PCBP3: variants seen among roughly 807,000 people sequenced by gnomAD.
PCBP3 encodes poly(rC) binding protein 3.
A neutral mutation model predicts 52.7 loss-of-function variants in PCBP3; 25 were observed. The ratio of observed to expected loss-of-function variants is 0.47; its 90% CI spans 0.35 to 0.66. PCBP3 has a LOEUF of 0.66. Among genes scored for constraint, PCBP3 ranks in the 30% least tolerant of loss-of-function variants. The pLI is 0.01. For missense variants in PCBP3, 391 were observed against 490.3 expected, an observed-to-expected ratio of 0.80 and a Z score of 1.91; for synonymous variants, 162 against 183.0, an observed-to-expected ratio of 0.89 and a Z score of 0.93.
intron 5 of PCBP3, among the ~76,000 whole-genome samples, chr21:45,863,778 T>C (rs1416439317): frequency 6.6e-6 from 1 of 152,168 alleles, no homozygotes; most frequent in Non-Finnish European, 1.5e-5. Flanking sequence ...TTGAGGGCCC[T>C]GGGTGAGCGG....
At chr21:45,814,992 AGTGGTGAG>A (rs2092838281) in intron 4 of PCBP3, among the ~76,000 whole-genome samples, 1 of 93,556 alleles carries the variant, frequency 1.1e-5, no homozygotes, top group African/African-American at 4.4e-5. Context: ...GTGGTGAGTG[AGTGGTGAG>A]TGAGTGGTGA....
intron 4 of PCBP3, among the ~76,000 whole-genome samples, chr21:45,775,123 G>T (rs143680039): frequency 6.6e-6 from 1 of 152,138 alleles, no homozygotes; most frequent in Non-Finnish European, 1.5e-5. Context: ...GAATTCTGCT[G>T]TGAATTCACC....
At position 45,781,665 on chromosome 21, in the gene PCBP3, C is replaced by T. The variant is rs143667047; in HGVS notation, c.-126+26213C>T. On this transcript the variant is annotated intron_variant, in intron 4 of 17. Coordinates refer to ENST00000681687, the MANE Select transcript of PCBP3 (RefSeq NM_001384156.1). ...AGTAGTGAAAGCATATTTCCATACACCTTTGAACAGGAACATCTGTAGCAA... is the reference window on the plus strand; with the variant it reads ...AGTAGTGAAAGCATATTTCCATACATCTTTGAACAGGAACATCTGTAGCAA... Among the ~76,000 whole-genome samples the T allele has an allele frequency of 9.2e-5, 14 of 152,242 alleles. No individual in the cohort carries two copies. In the East Asian group the frequency reaches 2.5e-3, roughly 27 times the overall value.
At chr21:45,697,945 A>G (rs2838978) in intron 2 of PCBP3, among the ~76,000 whole-genome samples, 27,309 of 151,822 alleles carry the variant, frequency 0.18, 2,591 homozygotes, top group Middle Eastern at 0.33. Context: ...ACAGGCTGAA[A>G]CATCTCAGTC....
intron 4 of PCBP3, among the ~76,000 whole-genome samples, chr21:45,803,599 C>A (rs1214282363): frequency 6.6e-6 from 1 of 152,196 alleles, no homozygotes; most frequent in African/African-American, 2.4e-5. Flanking sequence ...AGTTTAAATG[C>A]AAACAGGACA....
At chr21:45,687,137 T>C (rs932958836) in intron 2 of PCBP3, among the ~76,000 whole-genome samples, 3 of 152,088 alleles carry the variant, frequency 2.0e-5, no homozygotes, top group African/African-American at 7.2e-5. Flanking sequence ...TGAATAGGCA[T>C]GGATTTCTCA....
intron 6 of PCBP3, among the ~76,000 whole-genome samples, chr21:45,897,707 C>T (rs2095867560): frequency 6.6e-6 from 1 of 152,212 alleles, no homozygotes; most frequent in Admixed American, 6.5e-5. Context: ...GCCCCAGCAG[C>T]TCCTGTGTGT....
chr21:45,922,504 G>C (rs1400717654), intron 13 of PCBP3, among the ~76,000 whole-genome samples: 1 of 152,056 alleles, frequency 6.6e-6, no homozygotes, highest in Non-Finnish European at 1.5e-5. Flanking sequence ...GTAGTGAGCA[G>C]AGATTGCACC....
At chr21:45,760,975 T>TA (rs1055115371) in intron 4 of PCBP3, 27 of 152,064 alleles carry the variant, frequency 1.8e-4, no homozygotes, top group African/African-American at 6.5e-4. Flanking sequence ...TAATCCCAGT[T>TA]ACTCGGGACG....
intron 5 of PCBP3, among the ~76,000 whole-genome samples, chr21:45,879,409 G>A (rs970100659): frequency 1.3e-5 from 2 of 152,130 alleles, no homozygotes; most frequent in African/African-American, 2.4e-5. Flanking sequence ...CAGCAAACAC[G>A]AGGACAGCTC....
chr21:45,905,310 C>T (rs1000746289), intron 9 of PCBP3, among the ~76,000 whole-genome samples: 2 of 152,168 alleles, frequency 1.3e-5, no homozygotes, highest in African/African-American at 2.4e-5. Flanking sequence ...AGAAGTGTGC[C>T]CAAGAACTCA....
At chr21:45,870,425 C>T (rs1389358775) in intron 5 of PCBP3, among the ~76,000 whole-genome samples, 4 of 152,230 alleles carry the variant, frequency 2.6e-5, no homozygotes, top group Non-Finnish European at 4.4e-5. Flanking sequence ...TTAATTCATG[C>T]ATCCACGGGA....
At chr21:45,693,952 CTCTG>C (rs1158559085) in intron 2 of PCBP3, among the ~76,000 whole-genome samples, 6 of 152,088 alleles carry the variant, frequency 3.9e-5, no homozygotes, top group Admixed American at 3.9e-4. Context: ...AAATATATGA[CTCTG>C]TCAGTGCAGG....
chr21:45,902,490 C>T (rs1304785954), intron 9 of PCBP3, among the ~76,000 whole-genome samples: 1 of 152,240 alleles, frequency 6.6e-6, no homozygotes, highest in African/African-American at 2.4e-5. Flanking sequence ...TTTTGGTCAG[C>T]TGTGCTGCAG....
rs140801212 is a variant in PCBP3 at position 45,646,437 on chromosome 21, T to G, written c.-279+2569T>G. 2.0e-5 allele frequency among the ~76,000 whole-genome samples: 3 copies of G among 151,888 alleles called. No homozygotes were observed. The East Asian group carries it at 5.8e-4, about 29-fold the overall frequency. ...CCTGTTTTCTTAACAACCATTCCTT[T>G]AAGAAAGTACCAGTTTGTTTTAGTT... On this transcript the variant is annotated intron_variant, in intron 1 of 17. Coordinates refer to ENST00000681687, the MANE Select transcript of PCBP3 (RefSeq NM_001384156.1).
chr21:45,850,902 A>G (rs2093970644), intron 5 of PCBP3, among the ~76,000 whole-genome samples: 2 of 152,232 alleles, frequency 1.3e-5, no homozygotes, highest in South Asian at 4.1e-4. Context: ...GCTTACATAA[A>G]TAATATGCTA....
intron 1 of PCBP3, among the ~76,000 whole-genome samples, chr21:45,667,803 T>C (rs1414054455): frequency 2.6e-5 from 4 of 152,226 alleles, no homozygotes; most frequent in Non-Finnish European, 5.9e-5. Flanking sequence ...AATCTGATTC[T>C]CCTTTCTTCC....
intron 5 of PCBP3, among the ~76,000 whole-genome samples, chr21:45,894,573 T>G (rs1335440976): frequency 6.6e-6 from 1 of 152,236 alleles, no homozygotes; most frequent in Non-Finnish European, 1.5e-5. Flanking sequence ...TCTACACGAA[T>G]GCACTACTTA....
At chr21:45,851,071 T>C (rs1301884087) in intron 5 of PCBP3, among the ~76,000 whole-genome samples, 12 of 151,922 alleles carry the variant, frequency 7.9e-5, no homozygotes, top group Admixed American at 7.9e-4. Context: ...ACATGAAAAA[T>C]TAACTCAAGA....
Sources: gnomAD v4.1 joint callset for allele counts (sites outside exome capture counted in the v4.1 genomes callset) on GRCh38, gnomAD v4.1.1 for gene constraint, MANE v1.5 for transcripts, NCBI Gene and HGNC (gene_info 2026-07-23, HGNC 2026-07-21) for gene names.